The following ANKS1B variants were observed in gnomAD, a reference collection of about 807,000 sequenced individuals.
The protein encoded by ANKS1B is ankyrin repeat and sterile alpha motif domain-containing protein 1B.
ANKS1B carries 36 observed loss-of-function variants against 148.3 expected under a neutral mutation model. That is an observed-to-expected ratio of 0.24 (90% CI 0.19 to 0.32). The LOEUF (loss-of-function observed/expected upper bound fraction) is 0.32. ANKS1B is among the 10% of genes least tolerant of loss of function. The pLI is 1.00. For missense variants in ANKS1B, 1,157 were observed against 1,542.6 expected, an observed-to-expected ratio of 0.75 and a Z score of 4.19; for synonymous variants, 542 against 560.8, an observed-to-expected ratio of 0.97 and a Z score of 0.47.
intron 8 of ANKS1B, among the ~76,000 whole-genome samples, chr12:99,690,670 G>A (rs1413550002): frequency 2.6e-5 from 4 of 152,170 alleles, no homozygotes; most frequent in Non-Finnish European, 5.9e-5. Flanking sequence ...GTCTCCCATG[G>A]CCTTAGGCAG....
Position 99,706,065 on chromosome 12 carries a change from A to G in ANKS1B, c.1129-50855T>C, listed in dbSNP as rs1180803866. ...ACATAACAAGTAAATAGAGAAGACT[A>G]ATCTAACCCAAATTTTGCAATTAAT... On this transcript the variant is annotated intron_variant, in intron 8 of 26. Coordinates refer to ENST00000683438, the MANE Select transcript of ANKS1B (RefSeq NM_001352186.2). Among the ~76,000 whole-genome samples, 5 of 152,272 alleles carry G rather than the reference A, an allele frequency of 3.3e-5. No individual in the cohort carries two copies. The South Asian group carries it at 1.0e-3, about 32-fold the overall frequency.
chr12:99,675,231 T>A (rs1035215851), intron 8 of ANKS1B, among the ~76,000 whole-genome samples: 2 of 152,012 alleles, frequency 1.3e-5, no homozygotes, highest in Admixed American at 1.3e-4. Flanking sequence ...TTATCTATAC[T>A]AAGAGAATAA....
chr12:99,945,672 C>G (rs983360539), intron 1 of ANKS1B, among the ~76,000 whole-genome samples: 5 of 152,154 alleles, frequency 3.3e-5, no homozygotes, highest in Admixed American at 1.3e-4. Context: ...GGCACTTAAT[C>G]CAGAACACCA....
intron 17 of ANKS1B, among the ~76,000 whole-genome samples, chr12:98,924,661 A>C (rs1218382941): frequency 6.6e-6 from 1 of 152,146 alleles, no homozygotes; most frequent in East Asian, 1.9e-4. Flanking sequence ...GGGTGATGCA[A>C]TCCCTCTGCT....
chr12:99,352,033 A>G (rs2091478022), intron 12 of ANKS1B: 1 of 152,078 alleles, frequency 6.6e-6, no homozygotes, highest in Non-Finnish European at 1.5e-5. Context: ...ACTTGACCAA[A>G]GATGACCCAC....
intron 14 of ANKS1B, chr12:99,155,149 A>C (rs936577097): frequency 6.8e-7 from 1 of 1,471,562 alleles, no homozygotes; most frequent in Middle Eastern, 2.3e-4. Flanking sequence ...CGAAGCTTGA[A>C]CTATAGCTTA....
At chr12:99,495,342 A>AGTGTGTGTGTGTGTGTGTGTGT (rs56107230) in intron 10 of ANKS1B, among the ~76,000 whole-genome samples, 95 of 145,388 alleles carry the variant, frequency 6.5e-4, no homozygotes, top group African/African-American at 2.2e-3. Flanking sequence ...GGGGAGAAAA[A>AGTGTGTGTGTGTGTGTGTGTGT]GTGTGTGTGT....
At chr12:99,266,429 T>G (rs576414989) in intron 12 of ANKS1B, among the ~76,000 whole-genome samples, 3 of 152,172 alleles carry the variant, frequency 2.0e-5, no homozygotes, top group Non-Finnish European at 4.4e-5. Flanking sequence ...AAATTTCCAT[T>G]TTACAGATAA....
At chr12:99,043,995 T>C (rs1226351292) in intron 17 of ANKS1B, among the ~76,000 whole-genome samples, 1 of 152,246 alleles carries the variant, frequency 6.6e-6, no homozygotes, top group African/African-American at 2.4e-5. Flanking sequence ...CTTTTCAGTA[T>C]TATCTGAGAT....
At chr12:99,521,028 C>T (rs1391374404) in intron 9 of ANKS1B, among the ~76,000 whole-genome samples, 1 of 152,110 alleles carries the variant, frequency 6.6e-6, no homozygotes, top group East Asian at 1.9e-4. Context: ...CTCCCAACCT[C>T]AGGTGATCTG....
intron 17 of ANKS1B, among the ~76,000 whole-genome samples, chr12:99,010,349 A>T (rs1240404271): frequency 6.6e-6 from 1 of 152,222 alleles, no homozygotes; most frequent in Non-Finnish European, 1.5e-5. Context: ...CACATAAAAT[A>T]CTTAGAAGAG....
At chr12:99,846,158 A>T (rs956170879) in intron 1 of ANKS1B, among the ~76,000 whole-genome samples, 4 of 151,894 alleles carry the variant, frequency 2.6e-5, no homozygotes, top group Admixed American at 2.6e-4. Flanking sequence ...CTATAGCTAC[A>T]GTTTGCTTTT....
chr12:99,908,651 A>G (rs11110119), intron 1 of ANKS1B, among the ~76,000 whole-genome samples: 92,912 of 152,046 alleles, frequency 0.61, 29,607 homozygotes, highest in African/African-American at 0.71. Flanking sequence ...GTTATTAAGA[A>G]GCCAATGTCA....
chr12:99,356,150 T>C (rs935953961), intron 12 of ANKS1B, among the ~76,000 whole-genome samples: 13 of 152,066 alleles, frequency 8.5e-5, no homozygotes, highest in African/African-American at 2.9e-4. Flanking sequence ...AGAACTGATA[T>C]AGATGCCCAA....
chr12:99,157,815 T>C (rs991249887), intron 14 of ANKS1B, among the ~76,000 whole-genome samples: 2 of 152,116 alleles, frequency 1.3e-5, no homozygotes, highest in Non-Finnish European at 2.9e-5. Flanking sequence ...TAAAAATAAA[T>C]AAAATTATAT....
intron 17 of ANKS1B, among the ~76,000 whole-genome samples, chr12:99,007,469 T>C (rs967327615): frequency 6.6e-6 from 1 of 152,198 alleles, no homozygotes; most frequent in African/African-American, 2.4e-5. Context: ...CATATTTTTA[T>C]CTCTAGTCAC....
intron 9 of ANKS1B, among the ~76,000 whole-genome samples, chr12:99,623,946 A>G (rs991891005): frequency 6.6e-6 from 1 of 152,158 alleles, no homozygotes; most frequent in African/African-American, 2.4e-5. Context: ...CTGAATAGCC[A>G]AAGCAATCCT....
intron 1 of ANKS1B, among the ~76,000 whole-genome samples, chr12:99,910,354 C>CAA (rs57222450): frequency 0.27 from 13,275 of 49,894 alleles, 2,311 homozygotes; most frequent in Middle Eastern, 0.31. Flanking sequence ...GACTCCATCT[C>CAA]AAAAAAAAAA....
At chr12:99,867,762 A>G (rs116674537) in intron 1 of ANKS1B, among the ~76,000 whole-genome samples, 19 of 152,328 alleles carry the variant, frequency 1.2e-4, no homozygotes, top group African/African-American at 4.3e-4. Context: ...ACTCTTCCAG[A>G]GAACAGGAAA....
Sources: gnomAD v4.1 joint callset for allele counts (sites outside exome capture counted in the v4.1 genomes callset) on GRCh38, gnomAD v4.1.1 for gene constraint, MANE v1.5 for transcripts, NCBI Gene and HGNC (gene_info 2026-07-23, HGNC 2026-07-21) for gene names.